VPS13B: variants seen among roughly 807,000 people sequenced by gnomAD.
The protein encoded by VPS13B is intermembrane lipid transfer protein VPS13B.
In VPS13B, 285 loss-of-function variants were observed where a neutral mutation model predicts 426.4. The ratio of observed to expected loss-of-function variants is 0.67; its 90% CI spans 0.61 to 0.74. The LOEUF (loss-of-function observed/expected upper bound fraction) is 0.74. Among genes scored for constraint, VPS13B ranks in the 30% least tolerant of loss-of-function variants. The pLI, the probability that VPS13B is intolerant of heterozygous loss-of-function variation, is 0.00. For synonymous variants in VPS13B, 1,676 were observed against 1,676.4 expected, an observed-to-expected ratio of 1.00 and a Z score of 0.01; for missense variants, 4,537 against 4,782.6, an observed-to-expected ratio of 0.95 and a Z score of 1.51.
intron 39 of VPS13B, among the ~76,000 whole-genome samples, chr8:99,722,787 G>A (rs900290229): frequency 3.9e-5 from 6 of 152,060 alleles, no homozygotes; most frequent in Admixed American, 2.0e-4. Flanking sequence ...GATTACAGGC[G>A]TGAGCCACCG....
intron 19 of VPS13B, among the ~76,000 whole-genome samples, chr8:99,317,771 C>G (rs1809753940): frequency 6.6e-6 from 1 of 152,046 alleles, no homozygotes; most frequent in Non-Finnish European, 1.5e-5. Flanking sequence ...AATGGGACTT[C>G]TCTTTGAATT....
intron 39 of VPS13B, among the ~76,000 whole-genome samples, chr8:99,760,053 T>C (rs529624973): frequency 4.6e-5 from 7 of 152,218 alleles, no homozygotes; most frequent in African/African-American, 1.7e-4. Flanking sequence ...CTCGGCTCAC[T>C]TCAACCTCCG....
intron 17 of VPS13B, among the ~76,000 whole-genome samples, chr8:99,231,476 C>T (rs957811283): frequency 2.6e-5 from 4 of 152,120 alleles, no homozygotes; most frequent in Non-Finnish European, 4.4e-5. Flanking sequence ...CCAATATTCT[C>T]TCTCTCTTTT....
At chr8:99,429,297 A>G (rs1341733986) in intron 21 of VPS13B, among the ~76,000 whole-genome samples, 1 of 152,072 alleles carries the variant, frequency 6.6e-6, no homozygotes, top group African/African-American at 2.4e-5. Context: ...AAAAAAAAAA[A>G]AGAAAAAGTA....
intron 23 of VPS13B, among the ~76,000 whole-genome samples, chr8:99,461,240 C>A (rs902209829): frequency 6.6e-6 from 1 of 151,898 alleles, no homozygotes; most frequent in African/African-American, 2.4e-5. Context: ...TAAGGAAATG[C>A]AATGCATTAT....
At position 99,274,316 on chromosome 8, in the gene VPS13B, T is replaced by C. The variant is rs771711465; in HGVS notation, c.2634T>C (p.Ile878=). The C allele has an allele frequency of 5.0e-6, 8 of 1,614,122 alleles. No individual in the cohort carries two copies. Among genetic ancestry groups the C allele is most frequent in the Non-Finnish European group, 6.8e-6 (8 of 1,180,018 alleles). ...CTGGGACCATGGGATCAATAAAAAT[T>C]TGTGCCAAAGCCCCAGGTATGTGCA... ...CASGTMGSIK[I]CAKAPVDSGK... Residue 878 remains isoleucine (I), a synonymous_variant, in exon 18 of 62, where the codon ATT becomes ATC. Transcript: ENST00000357162.
intron 17 of VPS13B, among the ~76,000 whole-genome samples, chr8:99,205,438 G>A (rs887102077): frequency 6.6e-6 from 1 of 152,116 alleles, no homozygotes; most frequent in Non-Finnish European, 1.5e-5. Context: ...AACCACCATG[G>A]TACGTGTATA....
chr8:99,741,712 T>C (rs1164978974), intron 39 of VPS13B, among the ~76,000 whole-genome samples: 31 of 152,166 alleles, frequency 2.0e-4, no homozygotes, highest in Admixed American at 2.0e-3. Context: ...AACAACCTGC[T>C]CCTGAATGAC....
At chr8:99,014,948 T>C (rs1319509032) in intron 2 of VPS13B, among the ~76,000 whole-genome samples, 1 of 152,110 alleles carries the variant, frequency 6.6e-6, no homozygotes, top group Non-Finnish European at 1.5e-5. Context: ...TGAGGATCTG[T>C]GCAAGCTCAG....
intron 17 of VPS13B, among the ~76,000 whole-genome samples, chr8:99,216,167 G>A (rs1815380606): frequency 6.6e-6 from 1 of 152,068 alleles, no homozygotes; most frequent in Admixed American, 6.5e-5. Flanking sequence ...GCCTAATGGG[G>A]CACATCATGT....
intron 15 of VPS13B, among the ~76,000 whole-genome samples, chr8:99,161,245 T>C (rs972959994): frequency 6.6e-6 from 1 of 152,212 alleles, no homozygotes; most frequent in Non-Finnish European, 1.5e-5. Context: ...TAATATCAGA[T>C]TACAGTGTTA....
At chr8:99,406,361 G>A (rs995102373) in intron 21 of VPS13B, among the ~76,000 whole-genome samples, 3 of 151,974 alleles carry the variant, frequency 2.0e-5, no homozygotes, top group Non-Finnish European at 4.4e-5. Flanking sequence ...TTGCATGAAT[G>A]AATTAACCTT....
At chr8:99,604,133 A>G (rs1408355962) in intron 33 of VPS13B, among the ~76,000 whole-genome samples, 1 of 152,170 alleles carries the variant, frequency 6.6e-6, no homozygotes, top group Non-Finnish European at 1.5e-5. Context: ...TTACTAATAA[A>G]TCGCTTAAGA....
At chr8:99,567,474 T>C (rs1302914442) in intron 31 of VPS13B, among the ~76,000 whole-genome samples, 1 of 146,720 alleles carries the variant, frequency 6.8e-6, no homozygotes, top group Non-Finnish European at 1.5e-5. Context: ...AAAGTTTTTG[T>C]TGGTGTTTTT....
At chr8:99,294,426 A>C (rs1206971208) in intron 19 of VPS13B, among the ~76,000 whole-genome samples, 2 of 142,188 alleles carry the variant, frequency 1.4e-5, no homozygotes, top group African/African-American at 5.3e-5. Flanking sequence ...GCATTGGGAG[A>C]TATACCTAAT....
intron 24 of VPS13B, among the ~76,000 whole-genome samples, chr8:99,471,051 G>GAAATGAA (rs1819376905): frequency 1.3e-5 from 2 of 151,946 alleles, no homozygotes; most frequent in African/African-American, 4.8e-5. Flanking sequence ...ACCTAGTGAA[G>GAAATGAA]ATACCCCACA....
chr8:99,557,064 G>A (rs1402328830), intron 31 of VPS13B, among the ~76,000 whole-genome samples: 1 of 152,036 alleles, frequency 6.6e-6, no homozygotes. Context: ...AGAGTGTGGG[G>A]AAAAACAAGA....
chr8:99,633,534 T>C (rs2133915425), intron 33 of VPS13B, among the ~76,000 whole-genome samples: 1 of 152,106 alleles, frequency 6.6e-6, no homozygotes, highest in East Asian at 1.9e-4. Context: ...AAAAACAGAC[T>C]CCAACTCAGA....
At position 99,188,053 on chromosome 8, in the gene VPS13B, A is replaced by ATTTTTTT. The variant is rs60360700; in HGVS notation, c.2334-4809_2334-4803dup. ...AGGCTTTTGTTTTTGTTGTTTGGAC[A>ATTTTTTT]TTTTTTTTTTTTTTTTTTTTGTGAG... On this transcript the variant is annotated intron_variant, in intron 16 of 61. Transcript: ENST00000357162. Among the ~76,000 whole-genome samples, 22 of 112,744 alleles carry ATTTTTTT rather than the reference A, an allele frequency of 2.0e-4. 1 individual carries two copies. The highest frequency in any genetic ancestry group is 2.5e-4 in the Non-Finnish European group (14 of 57,104). 74.0% of individuals were successfully genotyped at this position (112,744 alleles called of 152,430 possible).
Sources: gnomAD v4.1 joint callset for allele counts (sites outside exome capture counted in the v4.1 genomes callset) on GRCh38, gnomAD v4.1.1 for gene constraint, MANE v1.5 for transcripts, NCBI Gene and HGNC (gene_info 2026-07-23, HGNC 2026-07-21) for gene names.